TNRC6B: variants seen among roughly 807,000 people sequenced by gnomAD.
TNRC6B encodes the protein trinucleotide repeat containing adaptor 6B, also known as trinucleotide repeat-containing gene 6B protein.
TNRC6B carries 52 observed loss-of-function variants against 203.6 expected under a neutral mutation model. The ratio of observed to expected loss-of-function variants is 0.26; its 90% CI spans 0.20 to 0.32. The LOEUF (loss-of-function observed/expected upper bound fraction) is 0.32. Among genes scored for constraint, TNRC6B ranks in the 10% least tolerant of loss-of-function variants. The probability of loss-of-function intolerance (pLI) is 1.00; values close to 1 mark genes in which losing one functional copy is unlikely to be tolerated. For missense variants in TNRC6B, 1,923 were observed against 2,286.2 expected (o/e 0.84, Z 3.24); for synonymous variants, 838 against 845.7 (o/e 0.99, Z 0.16).
intron 1 of TNRC6B, among the ~76,000 whole-genome samples, chr22:40,073,925 C>G (rs912004148): frequency 2.0e-5 from 3 of 152,028 alleles, no homozygotes; most frequent in African/African-American, 7.2e-5. Flanking sequence ...AAAAATTAGT[C>G]GGGCATGGTG....
intron 3 of TNRC6B, among the ~76,000 whole-genome samples, chr22:40,152,879 T>C (rs929534469): frequency 3.3e-5 from 5 of 151,818 alleles, no homozygotes; most frequent in Non-Finnish European, 5.9e-5. Context: ...GGCAGATGGG[T>C]CACCTGAGGT....
intron 1 of TNRC6B, among the ~76,000 whole-genome samples, chr22:40,095,312 A>T (rs1203542308): frequency 6.6e-6 from 1 of 150,886 alleles, no homozygotes; most frequent in Non-Finnish European, 1.5e-5. Context: ...AGTGTTGTTA[A>T]TATCTCAAAT....
intron 1 of TNRC6B, among the ~76,000 whole-genome samples, chr22:40,048,842 C>G (rs770437632): frequency 6.6e-6 from 1 of 151,886 alleles, no homozygotes. Flanking sequence ...ATCCATCCAT[C>G]CATCTTTCTT....
At chr22:40,117,771 C>G (rs1470446152) in intron 2 of TNRC6B, among the ~76,000 whole-genome samples, 1 of 152,136 alleles carries the variant, frequency 6.6e-6, no homozygotes, top group Non-Finnish European at 1.5e-5. Context: ...ATCTTCTTCT[C>G]CCAAACTCCC....
At chr22:40,128,280 C>T (rs748204739) in intron 3 of TNRC6B, among the ~76,000 whole-genome samples, 6 of 152,040 alleles carry the variant, frequency 3.9e-5, no homozygotes, top group Non-Finnish European at 5.9e-5. Flanking sequence ...TTCTCCTCCT[C>T]CGAGGGTGTA....
intron 11 of TNRC6B, among the ~76,000 whole-genome samples, chr22:40,282,785 C>T (rs2070734707): frequency 6.6e-6 from 1 of 151,878 alleles, no homozygotes; most frequent in African/African-American, 2.4e-5. Context: ...TTTTAATATA[C>T]TTCATATTAA....
rs531385840 is a variant in TNRC6B, at chr22:40,262,224, C to G, written c.457+51C>G. 13 of 1,326,878 alleles carry G rather than the reference C, an allele frequency of 9.8e-6. No individual in the cohort carries two copies. In the Admixed American group the frequency reaches 1.9e-4, roughly 19 times the overall value. 82.2% of individuals were successfully genotyped at this position (1,326,878 alleles called of 1,614,324 possible). On this transcript the variant is annotated intron_variant, in intron 4 of 22. Transcript: ENST00000454349. ...ATGGCAGCTTGACAGAGAGAGAGCACTTTGTTTGCATTGCTTGATGTAAAG... is the reference window on the plus strand; with the variant it reads ...ATGGCAGCTTGACAGAGAGAGAGCAGTTTGTTTGCATTGCTTGATGTAAAG...
chr22:40,100,992 A>ATT (rs58490105), intron 1 of TNRC6B, among the ~76,000 whole-genome samples: 22 of 146,208 alleles, frequency 1.5e-4, no homozygotes, highest in African/African-American at 2.3e-4. Flanking sequence ...TCTCTTCAGC[A>ATT]TTTTTTTTTT....
chr22:40,249,556 C>T (rs558059174), intron 2 of TNRC6B, among the ~76,000 whole-genome samples: 2 of 152,300 alleles, frequency 1.3e-5, no homozygotes, highest in African/African-American at 4.8e-5. Context: ...TTTGATCATC[C>T]AGCTTCTCGC....
intron 1 of TNRC6B, among the ~76,000 whole-genome samples, chr22:40,063,265 A>G (rs1477623506): frequency 2.0e-5 from 3 of 152,234 alleles, no homozygotes; most frequent in Non-Finnish European, 2.9e-5. Context: ...TCTCAATTCT[A>G]TTCCATTGAT....
intron 3 of TNRC6B, among the ~76,000 whole-genome samples, chr22:40,149,115 C>A (rs1016043611): frequency 6.6e-6 from 1 of 152,116 alleles, no homozygotes; most frequent in Non-Finnish European, 1.5e-5. Context: ...TAGCAAAAAT[C>A]GAAACAACTC....
At position 40,212,774 on chromosome 22, in the gene TNRC6B, G is replaced by C. The variant is rs529337836; in HGVS notation, c.6-33241G>C. 9.9e-5 allele frequency among the ~76,000 whole-genome samples: 15 copies of C among 152,170 alleles called. No individual in the cohort carries two copies. In the South Asian group the frequency reaches 3.1e-3, roughly 32 times the overall value. ...AGCGATTCTCGTGCCTCAGCCTTCC[G>C]AGTACCTGGGATTAATAGGCACGTG... On this transcript the variant is annotated intron_variant, in intron 1 of 22. Coordinates refer to ENST00000454349, the MANE Select transcript of TNRC6B (RefSeq NM_001162501.2).
At chr22:40,236,162 T>C (rs1026790600) in intron 1 of TNRC6B, among the ~76,000 whole-genome samples, 3 of 152,340 alleles carry the variant, frequency 2.0e-5, no homozygotes, top group Admixed American at 2.0e-4. Context: ...TTTAGTTCTA[T>C]ACAATTTTAT....
At position 40,083,566 on chromosome 22, in the gene TNRC6B, G is replaced by A. The variant is rs78734846; in HGVS notation, c.-120-33489G>A. On this transcript the variant is annotated intron_variant, in intron 1 of 23. Coordinates refer to the TNRC6B transcript ENST00000301923. Reference sequence around the variant, plus strand: ...GATACAGAGTCAAAGAATAATTTTTGTTTATCTTTTTAAGATGGGACATAC... The same window carrying A: ...GATACAGAGTCAAAGAATAATTTTTATTTATCTTTTTAAGATGGGACATAC... Among the ~76,000 whole-genome samples, 23 of 152,210 alleles carry A rather than the reference G, an allele frequency of 1.5e-4. No individual in the cohort carries two copies. The East Asian group carries it at 3.3e-3, about 22-fold the overall frequency.
chr22:40,268,772 C>T (rs960499482), intron 5 of TNRC6B, among the ~76,000 whole-genome samples: 2 of 151,876 alleles, frequency 1.3e-5, no homozygotes, highest in African/African-American at 4.8e-5. Context: ...ATTAGCCAGG[C>T]GTGGTGGCGG....
chr22:40,301,356 T>C, intron 15 of TNRC6B, 23 bp downstream of exon 15: 7 of 1,597,584 alleles, frequency 4.4e-6, no homozygotes, highest in Non-Finnish European at 6.0e-6. Context: ...TAGAGAAAAT[T>C]ACCTTTTTAG....
At chr22:40,212,442 G>A (rs2069577786) in intron 1 of TNRC6B, among the ~76,000 whole-genome samples, 1 of 152,136 alleles carries the variant, frequency 6.6e-6, no homozygotes, top group Non-Finnish European at 1.5e-5. Context: ...TATCCTTATT[G>A]CCAGGATTTA....
chr22:40,250,046 C>T (rs530703383), intron 2 of TNRC6B, among the ~76,000 whole-genome samples: 22 of 152,278 alleles, frequency 1.4e-4, no homozygotes, highest in African/African-American at 4.8e-4. Flanking sequence ...TTTTTGTGAA[C>T]CCCCATGGCC....
intron 1 of TNRC6B, among the ~76,000 whole-genome samples, chr22:40,100,312 A>T (rs1396607663): frequency 6.6e-6 from 1 of 150,974 alleles, no homozygotes; most frequent in Non-Finnish European, 1.5e-5. Context: ...CTGGTCTCGA[A>T]CTTCTGGCCT....
Sources: allele counts gnomAD v4.1 joint callset (sites outside exome capture counted in the v4.1 genomes callset), GRCh38; gene constraint gnomAD v4.1.1; transcripts MANE v1.5; gene names NCBI Gene and HGNC (gene_info 2026-07-23, HGNC 2026-07-21).